KCNN2: variants seen among roughly 807,000 people sequenced by gnomAD.
KCNN2 encodes the protein potassium calcium-activated channel subfamily N member 2, also known as small conductance calcium-activated potassium channel protein 2.
KCNN2 carries 24 observed loss-of-function variants against 55.5 expected under a neutral mutation model. The observed-to-expected ratio is 0.43, with a 90% CI of 0.31 to 0.61. The LOEUF is 0.61. Ranked by LOEUF, KCNN2 falls within the 20% of genes least tolerant of loss-of-function variation. The probability of loss-of-function intolerance (pLI) is 0.08; values close to 1 mark genes in which losing one functional copy is unlikely to be tolerated. For synonymous variants in KCNN2, 431 were observed against 336.1 expected, an observed-to-expected ratio of 1.28 and a Z score of -3.09; for missense variants, 754 against 853.6, an observed-to-expected ratio of 0.88 and a Z score of 1.45.
intron 2 of KCNN2, among the ~76,000 whole-genome samples, chr5:114,259,755 C>G (rs1755064425): frequency 6.6e-6 from 1 of 152,248 alleles, no homozygotes; most frequent in Non-Finnish European, 1.5e-5. Context: ...AGTAACAAGT[C>G]CCTCTGGATT....
At position 114,308,886 on chromosome 5, in the gene KCNN2, A is replaced by C. The variant is rs1756342852; in HGVS notation, c.-184-52059A>C. Among the ~76,000 whole-genome samples, 5 of 152,302 alleles carry C rather than the reference A, an allele frequency of 3.3e-5. No individual in the cohort carries two copies. In the South Asian group the frequency reaches 1.0e-3, roughly 32 times the overall value. On this transcript the variant is annotated intron_variant, in intron 2 of 10. Coordinates refer to the KCNN2 transcript ENST00000512097. The stretch of plus-strand genomic sequence containing the variant: ...GCTACATTATTCCTTTCTGAAGAGA[A>C]GAGTGAAATTTTGCTAATAATTATA...
chr5:114,153,100 A>G (rs561524108), intron 1 of KCNN2, among the ~76,000 whole-genome samples: 1 of 152,204 alleles, frequency 6.6e-6, no homozygotes, highest in Non-Finnish European at 1.5e-5. Context: ...AGAATGTGGT[A>G]TCATTCCGTG....
At chr5:114,276,658 AT>A (rs141201743) in intron 2 of KCNN2, among the ~76,000 whole-genome samples, 5 of 130,440 alleles carry the variant, frequency 3.8e-5, no homozygotes, top group Admixed American at 8.0e-5. Context: ...CAACCCCTGC[AT>A]TTTTTTTTTT....
chr5:114,353,636 T>C (rs1757251236), intron 2 of KCNN2, among the ~76,000 whole-genome samples: 1 of 151,998 alleles, frequency 6.6e-6, no homozygotes, highest in African/African-American at 2.4e-5. Flanking sequence ...AAGGCAAGTC[T>C]GTTAGCATTA....
intron 1 of KCNN2, among the ~76,000 whole-genome samples, chr5:114,159,149 T>G (rs1001398174): frequency 1.3e-5 from 2 of 152,188 alleles, no homozygotes; most frequent in African/African-American, 4.8e-5. Flanking sequence ...TTGTCATAGA[T>G]AGCGCTTATT....
At chr5:114,179,301 C>G (rs956070445) in intron 1 of KCNN2, among the ~76,000 whole-genome samples, 13 of 152,200 alleles carry the variant, frequency 8.5e-5, no homozygotes, top group African/African-American at 3.1e-4. Flanking sequence ...TGTCACACCT[C>G]TGTTCATGCT....
chr5:114,200,199 T>C (rs932388327), intron 1 of KCNN2, among the ~76,000 whole-genome samples: 1 of 152,164 alleles, frequency 6.6e-6, no homozygotes, highest in Non-Finnish European at 1.5e-5. Context: ...TTTTTTAAAA[T>C]ACTTTTTTTT....
At chr5:114,429,744 T>G (rs1338337247) in intron 3 of KCNN2, among the ~76,000 whole-genome samples, 1 of 151,846 alleles carries the variant, frequency 6.6e-6, no homozygotes, top group Non-Finnish European at 1.5e-5. Context: ...ATTTTACATT[T>G]GAGTCTATGA....
chr5:114,343,942 C>T (rs189671710), intron 2 of KCNN2, among the ~76,000 whole-genome samples: 2 of 152,234 alleles, frequency 1.3e-5, no homozygotes, highest in Admixed American at 6.5e-5. Context: ...TACCTGGAGA[C>T]ATCTGAGAAC....
chr5:114,230,102 T>C (rs1754326547), intron 2 of KCNN2, among the ~76,000 whole-genome samples: 1 of 152,134 alleles, frequency 6.6e-6, no homozygotes, highest in Non-Finnish European at 1.5e-5. Flanking sequence ...ATTATTTCTT[T>C]TGAGATATAT....
chr5:114,073,427 C>T (rs796726979), intron 1 of KCNN2, among the ~76,000 whole-genome samples: 2 of 152,294 alleles, frequency 1.3e-5, no homozygotes, highest in African/African-American at 4.8e-5. Flanking sequence ...TTAGCATGGA[C>T]TTTATTGATG....
intron 1 of KCNN2, among the ~76,000 whole-genome samples, chr5:114,127,026 A>T (rs1312348819): frequency 1.3e-5 from 2 of 152,184 alleles, no homozygotes; most frequent in Non-Finnish European, 2.9e-5. Flanking sequence ...GGGCTCCCAT[A>T]GCCTTGGGAA....
intron 2 of KCNN2, among the ~76,000 whole-genome samples, chr5:114,374,567 C>G (rs1243739201): frequency 1.3e-5 from 2 of 152,136 alleles, no homozygotes; most frequent in Admixed American, 1.3e-4. Context: ...CAAGTAACAT[C>G]TCGAAATATT....
Position 114,363,221 on chromosome 5 carries a change from T to C in KCNN2, c.1082T>C (p.Met361Thr). ...LIFGMFGIVV[M>T]VIETELSWGA... ...TTCGGCATGTTCGGCATCGTGGTCA[T>C]GGTCATCGAGACCGAGCTGTCGTGG... is the stretch of plus-strand genomic sequence containing the variant. The change falls in exon 1 of 8, where the codon ATG becomes ACG. Residue 361 changes from methionine to threonine, a missense_variant. This residue lies in a region of KCNN2 where 123 missense variants were observed against 204.9 expected (regional missense o/e 0.60). Coordinates refer to ENST00000673685, the MANE Select transcript of KCNN2 (RefSeq NM_021614.4). 6.2e-7 allele frequency: 1 copy of C among 1,613,150 alleles called. No homozygotes were observed. Among genetic ancestry groups the C allele is most frequent in the Non-Finnish European group, 8.5e-7 (1 of 1,179,946 alleles).
chr5:114,210,692 C>A (rs2112581660), intron 1 of KCNN2, among the ~76,000 whole-genome samples: 1 of 152,276 alleles, frequency 6.6e-6, no homozygotes, highest in East Asian at 1.9e-4. Context: ...TCTAAATACT[C>A]ATCAAGCCAA....
upstream of KCNN2, among the ~76,000 whole-genome samples, chr5:114,357,420 G>A (rs1173343595): frequency 3.0e-5 from 4 of 132,092 alleles, no homozygotes; most frequent in Non-Finnish European, 4.8e-5. Context: ...TCTAGCATTA[G>A]GTATATCTCC....
At chr5:114,205,870 C>A (rs1417889340) in intron 1 of KCNN2, among the ~76,000 whole-genome samples, 1 of 152,056 alleles carries the variant, frequency 6.6e-6, no homozygotes, top group Non-Finnish European at 1.5e-5. Context: ...CATTTCTTTT[C>A]AAAGGAATAG....
intron 3 of KCNN2, among the ~76,000 whole-genome samples, chr5:114,432,948 A>G (rs1462788916): frequency 2.0e-5 from 3 of 152,090 alleles, no homozygotes; most frequent in Admixed American, 2.0e-4. Flanking sequence ...GCAGCCCGCC[A>G]TGCCTGAACC....
At chr5:114,221,873 A>T (rs1330561363) in intron 2 of KCNN2, among the ~76,000 whole-genome samples, 1 of 152,238 alleles carries the variant, frequency 6.6e-6, no homozygotes, top group Admixed American at 6.5e-5. Flanking sequence ...GAGATTAAGT[A>T]TCAGAAAATA....
Sources: allele counts gnomAD v4.1 joint callset (sites outside exome capture counted in the v4.1 genomes callset), GRCh38; gene constraint gnomAD v4.1.1; regional missense constraint gnomAD v4.1.1; transcripts MANE v1.5; gene names NCBI Gene and HGNC (gene_info 2026-07-23, HGNC 2026-07-21).